The following GRIA1 variants were observed in gnomAD, a reference collection of about 807,000 sequenced individuals.
The protein encoded by GRIA1 is glutamate ionotropic receptor AMPA type subunit 1, also known as glutamate receptor 1.
In GRIA1, 31 loss-of-function variants were observed where a neutral mutation model predicts 99.2. That is an observed-to-expected ratio of 0.31 (90% CI 0.23 to 0.42). The LOEUF is 0.42. Among genes scored for constraint, GRIA1 ranks in the 10% least tolerant of loss-of-function variants. GRIA1 has a pLI of 1.00. For synonymous variants in GRIA1, 438 were observed against 432.4 expected, an observed-to-expected ratio of 1.01 and a Z score of -0.16; for missense variants, 782 against 1,157.5, an observed-to-expected ratio of 0.68 and a Z score of 4.71.
rs1754199736 is a variant in GRIA1, at chr5:153,647,000, C to A, written c.293C>A (p.Thr98Asn). Residue 98 changes from threonine to asparagine, a missense_variant, in exon 3 of 16, where the codon ACC becomes AAC. By Grantham distance (65) the Thr-to-Asn change is moderately conservative. Coordinates refer to ENST00000285900, the MANE Select transcript of GRIA1 (RefSeq NM_000827.4). ...GAACGTAGGACTGTCAACATGCTGA[C>A]CTCCTTTTGTGGGGCCCTCCACGTC... is the stretch of plus-strand genomic sequence containing the variant. ...FYERRTVNML[T>N]SFCGALHVCF... 3.7e-6 allele frequency: 6 copies of A among 1,613,884 alleles called. No individual in the cohort carries two copies. The highest frequency in any genetic ancestry group is 5.1e-6 in the Non-Finnish European group (6 of 1,179,898).
chr5:153,756,807 G>C (rs1335275368), intron 11 of GRIA1, among the ~76,000 whole-genome samples: 1 of 152,160 alleles, frequency 6.6e-6, no homozygotes, highest in Non-Finnish European at 1.5e-5. Context: ...CACAGACTCT[G>C]ACAACAGATT....
At chr5:153,504,536 G>T (rs941427255) in intron 2 of GRIA1, among the ~76,000 whole-genome samples, 4 of 151,990 alleles carry the variant, frequency 2.6e-5, no homozygotes, top group Non-Finnish European at 4.4e-5. Flanking sequence ...CAGACAAAAA[G>T]TCAACATGCT....
chr5:153,569,009 A>T (rs1761891776), intron 2 of GRIA1, among the ~76,000 whole-genome samples: 1 of 152,102 alleles, frequency 6.6e-6, no homozygotes, highest in Non-Finnish European at 1.5e-5. Flanking sequence ...TGTCAAATCT[A>T]CCCAGTTGCC....
intron 11 of GRIA1, among the ~76,000 whole-genome samples, chr5:153,750,489 A>C (rs999420404): frequency 4.6e-5 from 7 of 152,114 alleles, no homozygotes; most frequent in Admixed American, 1.3e-4. Flanking sequence ...ATAAAGAAGA[A>C]TGTCCATATC....
chr5:153,564,197 G>A (rs1408869605), intron 2 of GRIA1, among the ~76,000 whole-genome samples: 1 of 152,112 alleles, frequency 6.6e-6, no homozygotes, highest in African/African-American at 2.4e-5. Flanking sequence ...CCTATAAACT[G>A]TTATTGGAGC....
At chr5:153,541,024 C>T (rs560099182) in intron 2 of GRIA1, among the ~76,000 whole-genome samples, 1 of 152,270 alleles carries the variant, frequency 6.6e-6, no homozygotes, top group African/African-American at 2.4e-5. Context: ...ATTCCCATTT[C>T]CAGGCTCTTC....
At chr5:153,787,930 A>G (rs1396781501) in intron 13 of GRIA1, among the ~76,000 whole-genome samples, 1 of 152,078 alleles carries the variant, frequency 6.6e-6, no homozygotes, top group Non-Finnish European at 1.5e-5. Context: ...AATACAAAAA[A>G]TTAGCCAGGC....
intron 2 of GRIA1, among the ~76,000 whole-genome samples, chr5:153,627,661 G>T (rs767964975): frequency 6.6e-6 from 1 of 152,192 alleles, no homozygotes; most frequent in Non-Finnish European, 1.5e-5. Flanking sequence ...GGACAGCAGC[G>T]AGGAGAGTGG....
intron 2 of GRIA1, among the ~76,000 whole-genome samples, chr5:153,507,652 T>C (rs1431394927): frequency 6.6e-6 from 1 of 152,222 alleles, no homozygotes; most frequent in Non-Finnish European, 1.5e-5. Flanking sequence ...GGATTATGGC[T>C]TTTGCCTTCT....
At chr5:153,652,212 T>C (rs1440474800) in intron 4 of GRIA1, among the ~76,000 whole-genome samples, 1 of 152,180 alleles carries the variant, frequency 6.6e-6, no homozygotes, top group Non-Finnish European at 1.5e-5. Flanking sequence ...CTCTGTTCTA[T>C]AAAACTGATA....
At chr5:153,612,528 A>C (rs1406873502) in intron 2 of GRIA1, among the ~76,000 whole-genome samples, 1 of 152,248 alleles carries the variant, frequency 6.6e-6, no homozygotes, top group Non-Finnish European at 1.5e-5. Context: ...TCAGTGGGAT[A>C]ATGCATATTA....
chr5:153,619,644 G>A (rs1337154483), intron 2 of GRIA1, among the ~76,000 whole-genome samples: 3 of 152,122 alleles, frequency 2.0e-5, no homozygotes, highest in South Asian at 4.2e-4. Flanking sequence ...AAATGGAAAA[G>A]GGACAAGGTA....
chr5:153,762,667 C>A (rs910015201), intron 11 of GRIA1, among the ~76,000 whole-genome samples: 1 of 152,106 alleles, frequency 6.6e-6, no homozygotes, highest in Non-Finnish European at 1.5e-5. Flanking sequence ...ACCTTGACCC[C>A]TTCTCTGTCC....
intron 6 of GRIA1, 86 bp downstream of exon 6, chr5:153,674,747 G>A: frequency 7.3e-7 from 1 of 1,376,790 alleles, no homozygotes; most frequent in Non-Finnish European, 1.0e-6. Context: ...TCTTTACAAA[G>A]GAATCAGTTT....
chr5:153,516,301 TA>T (rs1161958760), intron 2 of GRIA1, among the ~76,000 whole-genome samples: 2 of 151,610 alleles, frequency 1.3e-5, no homozygotes, highest in African/African-American at 4.9e-5. Flanking sequence ...TCCCATTGGA[TA>T]AATAACTGTT....
At chr5:153,706,252 G>T in intron 11 of GRIA1, 185 bp downstream of exon 11, 2 of 632,954 alleles carry the variant, frequency 3.2e-6, no homozygotes, top group Admixed American at 2.8e-5. Flanking sequence ...TCATCCTGTA[G>T]CTGGGCCATC....
At chr5:153,783,228 G>A (rs565061921) in intron 13 of GRIA1, among the ~76,000 whole-genome samples, 2 of 152,328 alleles carry the variant, frequency 1.3e-5, no homozygotes, top group South Asian at 2.1e-4. Flanking sequence ...TGAACCAGGG[G>A]TGGCTGAGAT....
At chr5:153,615,781 C>A (rs1766440793) in intron 2 of GRIA1, among the ~76,000 whole-genome samples, 1 of 152,228 alleles carries the variant, frequency 6.6e-6, no homozygotes, top group East Asian at 1.9e-4. Flanking sequence ...GATGATGGTA[C>A]CCTTCCTCAT....
intron 2 of GRIA1, among the ~76,000 whole-genome samples, chr5:153,631,144 G>A (rs1003321989): frequency 6.6e-6 from 1 of 152,204 alleles, no homozygotes; most frequent in Non-Finnish European, 1.5e-5. Context: ...AAATGAGAAA[G>A]AGGCTGTGCC....
Sources: gnomAD v4.1 joint callset for allele counts (sites outside exome capture counted in the v4.1 genomes callset) on GRCh38, gnomAD v4.1.1 for gene constraint, MANE v1.5 for transcripts, NCBI Gene and HGNC (gene_info 2026-07-23, HGNC 2026-07-21) for gene names.